RAPGEF6: variants seen among roughly 807,000 people sequenced by gnomAD.
RAPGEF6 encodes the protein Rap guanine nucleotide exchange factor 6.
A neutral mutation model predicts 171.4 loss-of-function variants in RAPGEF6; 56 were observed. The ratio of observed to expected loss-of-function variants is 0.33; its 90% CI spans 0.26 to 0.41. The LOEUF is 0.41. Ranked by LOEUF, RAPGEF6 falls within the 10% of genes least tolerant of loss-of-function variation. The pLI is 1.00. For missense variants in RAPGEF6, 1,674 were observed against 1,921.4 expected, an observed-to-expected ratio of 0.87 and a Z score of 2.41; for synonymous variants, 692 against 650.1, an observed-to-expected ratio of 1.06 and a Z score of -0.98.
chr5:131,615,833 G>A (rs139051159), intron 1 of RAPGEF6, among the ~76,000 whole-genome samples: 189 of 152,014 alleles, frequency 1.2e-3, no homozygotes, highest in African/African-American at 4.4e-3. Flanking sequence ...ACCCGGGCAC[G>A]GAGGCTGCAG....
chr5:131,452,954 A>ACACAT (rs1276601730), intron 21 of RAPGEF6, 100 bp downstream of exon 21: 28 of 1,436,364 alleles, frequency 1.9e-5, no homozygotes, highest in Non-Finnish European at 2.2e-5. Context: ...TTTGTACAGC[A>ACACAT]CACATGGTAG....
At chr5:131,626,800 C>T (rs1765957893) in intron 1 of RAPGEF6, among the ~76,000 whole-genome samples, 1 of 152,098 alleles carries the variant, frequency 6.6e-6, no homozygotes, top group African/African-American at 2.4e-5. Context: ...AACCATATCT[C>T]AGTTTAAGCG....
chr5:131,430,799 CA>C (rs1417451252), intron 26 of RAPGEF6, 59 bp downstream of exon 26: 5 of 1,578,978 alleles, frequency 3.2e-6, no homozygotes, highest in Non-Finnish European at 4.3e-6. Flanking sequence ...CAAGATATCC[CA>C]ATGCCATTTT....
chr5:131,485,585 G>C (rs1269298509), intron 15 of RAPGEF6, among the ~76,000 whole-genome samples: 1 of 152,136 alleles, frequency 6.6e-6, no homozygotes, highest in Non-Finnish European at 1.5e-5. Flanking sequence ...AGGTTGCCTT[G>C]AGTCCAACCT....
intron 3 of RAPGEF6, among the ~76,000 whole-genome samples, chr5:131,596,697 A>G (rs567544368): frequency 1.3e-5 from 2 of 152,216 alleles, no homozygotes; most frequent in East Asian, 3.9e-4. Flanking sequence ...TTGCAGAAGA[A>G]TAAGACTAAA....
chr5:131,523,334 TA>T (rs1452654775), intron 6 of RAPGEF6, among the ~76,000 whole-genome samples: 1 of 146,604 alleles, frequency 6.8e-6, no homozygotes, highest in Admixed American at 6.9e-5. Flanking sequence ...CTTAAAAATG[TA>T]AAAATCATTC....
chr5:131,523,238 T>C (rs904849796), intron 6 of RAPGEF6, among the ~76,000 whole-genome samples: 15 of 151,280 alleles, frequency 9.9e-5, no homozygotes, highest in African/African-American at 3.4e-4. Context: ...AAAGAATATA[T>C]ATTTTAGGTT....
intron 4 of RAPGEF6, among the ~76,000 whole-genome samples, chr5:131,580,505 GCTC>G (rs541811784): frequency 8.8e-4 from 134 of 152,282 alleles, no homozygotes; most frequent in South Asian, 1.2e-3. Flanking sequence ...GGGCTGAAGG[GCTC>G]CTCAAGCGTG....
At chr5:131,621,142 A>G (rs1346324334) in intron 1 of RAPGEF6, among the ~76,000 whole-genome samples, 1 of 152,066 alleles carries the variant, frequency 6.6e-6, no homozygotes, top group African/African-American at 2.4e-5. Flanking sequence ...TCTACACTTA[A>G]ATTTCTATAT....
At chr5:131,494,877 G>T (rs1387978390) in intron 13 of RAPGEF6, among the ~76,000 whole-genome samples, 2 of 152,154 alleles carry the variant, frequency 1.3e-5, no homozygotes, top group Non-Finnish European at 2.9e-5. Context: ...AGTGACCTAG[G>T]TGACTTTAGC....
intron 6 of RAPGEF6, among the ~76,000 whole-genome samples, chr5:131,544,187 C>A (rs1340291446): frequency 6.6e-6 from 1 of 152,134 alleles, no homozygotes; most frequent in African/African-American, 2.4e-5. Flanking sequence ...TGACCAGTCA[C>A]CCACTCCTGG....
chr5:131,588,995 G>A (rs963496258), intron 4 of RAPGEF6, among the ~76,000 whole-genome samples: 5 of 151,982 alleles, frequency 3.3e-5, no homozygotes, highest in Admixed American at 2.6e-4. Flanking sequence ...GCCAGAACCC[G>A]GGAGGCAGAG....
chr5:131,500,656 C>T (rs1281172909), intron 11 of RAPGEF6, among the ~76,000 whole-genome samples: 1 of 152,048 alleles, frequency 6.6e-6, no homozygotes, highest in Non-Finnish European at 1.5e-5. Flanking sequence ...GTCTGGCCAC[C>T]CTTCCTCCCT....
At chr5:131,435,357 G>A (rs1056448292) in intron 24 of RAPGEF6, among the ~76,000 whole-genome samples, 4 of 152,124 alleles carry the variant, frequency 2.6e-5, no homozygotes, top group Non-Finnish European at 5.9e-5. Flanking sequence ...CCAAGAAAGT[G>A]GATGTAATAA....
intron 4 of RAPGEF6, among the ~76,000 whole-genome samples, chr5:131,563,048 G>C (rs1191723660): frequency 6.6e-6 from 1 of 150,870 alleles, no homozygotes; most frequent in Non-Finnish European, 1.5e-5. Context: ...AAGATAACCT[G>C]AATTTTTTTT....
intron 11 of RAPGEF6, among the ~76,000 whole-genome samples, chr5:131,500,821 T>G (rs1270136549): frequency 6.6e-6 from 1 of 152,134 alleles, no homozygotes; most frequent in East Asian, 1.9e-4. Flanking sequence ...TAAGTATATA[T>G]TAGTATCTCC....
chr5:131,593,248 C>T (rs1763693614), intron 3 of RAPGEF6, among the ~76,000 whole-genome samples: 1 of 152,154 alleles, frequency 6.6e-6, no homozygotes, highest in Admixed American at 6.5e-5. Context: ...TAGGAATCTT[C>T]AGCACAAGCC....
chr5:131,615,572 C>T (rs945827569), intron 1 of RAPGEF6, among the ~76,000 whole-genome samples: 6 of 152,124 alleles, frequency 3.9e-5, no homozygotes, highest in Non-Finnish European at 8.8e-5. Flanking sequence ...ATCATTTACG[C>T]TGAATGCACT....
At chr5:131,630,207 C>T (rs1426779259) in intron 1 of RAPGEF6, among the ~76,000 whole-genome samples, 1 of 152,212 alleles carries the variant, frequency 6.6e-6, no homozygotes, top group Non-Finnish European at 1.5e-5. Context: ...GCTATCAACA[C>T]TAAGGCAAGA....
Sources: allele counts gnomAD v4.1 joint callset (sites outside exome capture counted in the v4.1 genomes callset), GRCh38; gene constraint gnomAD v4.1.1; transcripts MANE v1.5; gene names NCBI Gene and HGNC (gene_info 2026-07-23, HGNC 2026-07-21).